Variants in MACF1 observed in about 807,000 individuals in gnomAD.
MACF1 encodes the protein microtubule-actin cross-linking factor 1.
A neutral mutation model predicts 854.8 loss-of-function variants in MACF1; 193 were observed. The ratio of observed to expected loss-of-function variants is 0.23; its 90% CI spans 0.20 to 0.25. MACF1 has a LOEUF of 0.25. Ranked by LOEUF, MACF1 falls within the 10% of genes least tolerant of loss-of-function variation. The pLI is 1.00. For missense variants in MACF1, 7,722 were observed against 8,929.1 expected, an observed-to-expected ratio of 0.86 and a Z score of 5.45; for synonymous variants, 3,185 against 3,226.7, an observed-to-expected ratio of 0.99 and a Z score of 0.44.
chr1:39,311,451 A>G (rs1192070528), intron 26 of MACF1, among the ~76,000 whole-genome samples: 3 of 152,180 alleles, frequency 2.0e-5, no homozygotes, highest in Non-Finnish European at 4.4e-5. Context: ...TCTCATCCCT[A>G]GTTTACTTTC....
chr1:39,134,097 G>A (rs1242583317), intron 2 of MACF1, among the ~76,000 whole-genome samples: 1 of 128,870 alleles, frequency 7.8e-6, no homozygotes, highest in African/African-American at 2.8e-5. Context: ...CTAGAGTGCA[G>A]TGGCGGGATC....
At chr1:39,425,519 T>G (rs919688400) in intron 61 of MACF1, among the ~76,000 whole-genome samples, 1 of 152,224 alleles carries the variant, frequency 6.6e-6, no homozygotes, top group Non-Finnish European at 1.5e-5. Context: ...ATATAAACTC[T>G]TTAACACACC....
intron 52 of MACF1, among the ~76,000 whole-genome samples, chr1:39,375,389 T>C (rs1343333331): frequency 1.3e-5 from 2 of 151,602 alleles, no homozygotes; most frequent in African/African-American, 4.8e-5. Flanking sequence ...GCAAGCTCCA[T>C]CTCCCAGGTT....
At chr1:39,204,548 CTT>C (rs1405925735), upstream of MACF1, 1 of 153,926 alleles carries the variant, frequency 6.5e-6, no homozygotes, top group Non-Finnish European at 1.4e-5. Flanking sequence ...GCTTCTGTGA[CTT>C]TTTTCTTCTG....
chr1:39,310,968 C>A lies in MACF1; in HGVS notation c.3238C>A (p.Gln1080Lys), dbSNP rs1042209282. 6.2e-7 allele frequency: 1 copy of A among 1,613,830 alleles called. No individual in the cohort carries two copies. The highest frequency in any genetic ancestry group is 8.5e-7 in the Non-Finnish European group (1 of 1,179,938). Residue 1080 changes from glutamine (Q) to lysine (K), a missense_variant, in exon 26 of 101, where the codon CAG becomes AAG. Coordinates refer to ENST00000564288, the MANE Select transcript of MACF1 (RefSeq NM_001394062.1). Reference protein sequence around the residue: ...ASSRTDRDAWQDNALRIAEQE... With the variant: ...ASSRTDRDAWKDNALRIAEQE... Reference sequence around the variant, plus strand: ...CTCTAGGACTGACAGAGATGCCTGGCAGGACAATGCATTAAGGATTGCAGA... The same window carrying A: ...CTCTAGGACTGACAGAGATGCCTGGAAGGACAATGCATTAAGGATTGCAGA...
intron 62 of MACF1, 87 bp from the exon 63 acceptor site, chr1:39,427,874 T>G: frequency 1.8e-6 from 2 of 1,134,030 alleles, no homozygotes; most frequent in African/African-American, 3.1e-5. Flanking sequence ...ATTGTTTAAT[T>G]TGTTGTATCA....
At chr1:39,382,536 C>G (rs12566403) in intron 56 of MACF1, among the ~76,000 whole-genome samples, 1 of 151,820 alleles carries the variant, frequency 6.6e-6, no homozygotes, top group Non-Finnish European at 1.5e-5. Context: ...AACCCTGTCT[C>G]TACTAAAAAT....
intron 2 of MACF1, among the ~76,000 whole-genome samples, chr1:39,134,052 T>C (rs1643092843): frequency 7.0e-6 from 1 of 143,010 alleles, no homozygotes; most frequent in South Asian, 2.3e-4. Context: ...TTTTTTTTTT[T>C]TTTTTTGAGA....
At chr1:39,403,353 C>T (rs1254358538) in intron 58 of MACF1, among the ~76,000 whole-genome samples, 1 of 152,150 alleles carries the variant, frequency 6.6e-6, no homozygotes, top group Non-Finnish European at 1.5e-5. Context: ...CCTGTCTCGG[C>T]CTCCCAAAGT....
intron 58 of MACF1, among the ~76,000 whole-genome samples, chr1:39,402,258 C>G (rs147588788): frequency 6.6e-6 from 1 of 152,086 alleles, no homozygotes; most frequent in African/African-American, 2.4e-5. Flanking sequence ...ATGGAAATAA[C>G]CAAGCAATTT....
intron 79 of MACF1, among the ~76,000 whole-genome samples, chr1:39,444,062 G>A (rs149067070): frequency 2.0e-5 from 3 of 152,176 alleles, no homozygotes; most frequent in Admixed American, 1.3e-4. Context: ...TTGGCCGAGC[G>A]CAGTGGCTCA....
chr1:39,393,758 G>A (rs570591956), intron 58 of MACF1, among the ~76,000 whole-genome samples: 3 of 151,634 alleles, frequency 2.0e-5, no homozygotes, highest in Non-Finnish European at 4.4e-5. Context: ...GCAGTGAGCT[G>A]CGTCCATGCC....
At chr1:39,479,074 A>C (rs1461890211) in intron 97 of MACF1, among the ~76,000 whole-genome samples, 2 of 152,194 alleles carry the variant, frequency 1.3e-5, no homozygotes, top group Admixed American at 1.3e-4. Context: ...CCAGAAAGCC[A>C]TAAGACAGCG....
rs780955021 is a variant in MACF1, at chr1:39,336,442, C to T, written c.9854C>T (p.Thr3285Ile). The change falls in exon 37 of 101, where the codon ACA becomes ATA. Residue 3285 changes from threonine to isoleucine, a missense_variant. Transcript: ENST00000564288. ...AAAGGAGTGTCTCAAAAAGAGAATACAGGGCAACAGAATGCCATCATTAGT... is the reference window on the plus strand; with the variant it reads ...AAAGGAGTGTCTCAAAAAGAGAATATAGGGCAACAGAATGCCATCATTAGT... ...LFKGVSQKEN[T>I]GQQNAIISPT... The T allele has an allele frequency of 3.9e-5, 63 of 1,614,002 alleles. No homozygotes were observed. The highest frequency in any genetic ancestry group is 5.3e-5 in the Non-Finnish European group (63 of 1,179,996).
In MACF1 at chr1:39,336,433, A is replaced by C; in HGVS notation, c.9845A>C (p.Lys3282Thr). ...AAACTGTTCAAAGGAGTGTCTCAAA[A>C]AGAGAATACAGGGCAACAGAATGCC... ...PEKLFKGVSQ[K>T]ENTGQQNAII... is the part of the protein sequence containing the mutation. Residue 3282 changes from lysine (K) to threonine (T), a missense_variant, in exon 37 of 101, where the codon AAA becomes ACA. By Grantham distance (78) the Lys-to-Thr change is moderately conservative. Transcript: ENST00000564288. 6.2e-7 allele frequency: 1 copy of C among 1,614,196 alleles called. No homozygotes were observed.
chr1:39,317,511 T>C (rs1043834510), intron 29 of MACF1, 104 bp downstream of exon 29: 1 of 1,260,518 alleles, frequency 7.9e-7, no homozygotes, highest in African/African-American at 1.5e-5. Flanking sequence ...TGGAAATGGA[T>C]AGGGAGGGGT....
intron 2 of MACF1, among the ~76,000 whole-genome samples, chr1:39,097,004 G>A (rs947865951): frequency 1.3e-5 from 2 of 151,326 alleles, no homozygotes; most frequent in Non-Finnish European, 2.9e-5. Flanking sequence ...GGCCTCCTGA[G>A]TAGCTGGGAT....
chr1:39,428,343 T>C, intron 63 of MACF1, 56 bp downstream of exon 63: 1 of 1,442,374 alleles, frequency 6.9e-7, no homozygotes. Context: ...GTTATTTTGA[T>C]TCATGTTTCT....
At chr1:39,250,201 A>G (rs1207296120) in intron 3 of MACF1, 98 bp downstream of exon 3, 1 of 731,638 alleles carries the variant, frequency 1.4e-6, no homozygotes, top group Non-Finnish European at 2.3e-6. Context: ...TCACTGTTTC[A>G]TCTATTAGAG....
Sources: gnomAD v4.1 joint callset for allele counts (sites outside exome capture counted in the v4.1 genomes callset) on GRCh38, gnomAD v4.1.1 for gene constraint, MANE v1.5 for transcripts, NCBI Gene and HGNC (gene_info 2026-07-23, HGNC 2026-07-21) for gene names.